ZMIZ2: variants seen among roughly 807,000 people sequenced by gnomAD.
The protein encoded by ZMIZ2 is zinc finger MIZ-type containing 2.
In ZMIZ2, 26 loss-of-function variants were observed where a neutral mutation model predicts 93.9. The ratio of observed to expected loss-of-function variants is 0.28; its 90% CI spans 0.20 to 0.38. The LOEUF is 0.38. Ranked by LOEUF, ZMIZ2 falls within the 10% of genes least tolerant of loss-of-function variation. The pLI is 1.00. For missense variants in ZMIZ2, 1,023 were observed against 1,235.0 expected (o/e 0.83, Z 2.57); for synonymous variants, 485 against 516.4 (o/e 0.94, Z 0.82).
chr7:44,760,102 G>C (rs1791016957), intron 7 of ZMIZ2, 49 bp from the exon 8 acceptor site: 1 of 1,608,728 alleles, frequency 6.2e-7, no homozygotes. Context: ...AGGGGGCCCG[G>C]CAGGGGTCAG....
In ZMIZ2 at chr7:44,762,196, T is replaced by C. The variant is rs1470113117; in HGVS notation, c.1596+291T>C. On this transcript the variant is annotated intron_variant, in intron 11 of 18. Transcript: ENST00000309315. ...AAAATGCGTTGCTTCTCTTTGTTAC[T>C]GCCTTGTATTTCTATTTTAATCTGT... Among the ~76,000 whole-genome samples the C allele has an allele frequency of 2.0e-5, 3 of 152,264 alleles. No individual in the cohort carries two copies. In the East Asian group the frequency reaches 5.8e-4, roughly 29 times the overall value.
intron 8 of ZMIZ2, 41 bp downstream of exon 8, chr7:44,760,269 G>C (rs780489375): frequency 6.3e-7 from 1 of 1,595,036 alleles, no homozygotes; most frequent in South Asian, 1.1e-5. Flanking sequence ...GAGGCTCACA[G>C]GGTGGGCATA....
In ZMIZ2 at chr7:44,763,859, G is replaced by GGCT. The variant is rs2116861502; in HGVS notation, c.1860+448_1860+450dup. ...TTCTTCTTTTAACACCATGTTCTGA[G>GGCT]GCTGGGCGCGGTGGCTCACACCTGT... On this transcript the variant is annotated intron_variant, in intron 13 of 18. Transcript: ENST00000309315. The surrounding 1 kb of genome is among the most constrained non-coding windows in gnomAD (Gnocchi z 5.6). The GGCT allele has an allele frequency of 5.7e-6, 1 of 175,502 alleles. No homozygotes were observed. The highest frequency in any genetic ancestry group is 1.7e-4 in the East Asian group (1 of 6,048). 10.9% of individuals were successfully genotyped at this position (175,502 alleles called of 1,614,324 possible).
At position 44,761,965 on chromosome 7, in the gene ZMIZ2, G is replaced by C. The variant is rs1791233095; in HGVS notation, c.1596+60G>C. ...CGTGGGGCGGGGTGTGGTGGGGCCT[G>C]GCCCAGCGGTGCCGTGGGGTGGGGC... is the stretch of plus-strand genomic sequence containing the variant. On this transcript the variant is annotated intron_variant, in intron 11 of 18. Coordinates refer to ENST00000309315, the MANE Select transcript of ZMIZ2 (RefSeq NM_031449.4). The surrounding 1 kb of genome is among the most constrained non-coding windows in gnomAD (Gnocchi z 5.8). 1 of 1,463,398 alleles carries C rather than the reference G, an allele frequency of 6.8e-7. No homozygotes were observed. 90.7% of individuals were successfully genotyped at this position (1,463,398 alleles called of 1,614,324 possible).
rs1346821254 is a variant in ZMIZ2 at position 44,767,659 on chromosome 7, C to T, written c.*36C>T. 6.4e-7 allele frequency: 1 copy of T among 1,565,644 alleles called. No homozygotes were observed. Among genetic ancestry groups the T allele is most frequent in the Non-Finnish European group, 8.8e-7 (1 of 1,136,674 alleles). ...ACCCCAAGCCCGGCGGGGACACGCTCACAGATGTCACCACAGCCCTGCCCT... is the reference window on the plus strand; with the variant it reads ...ACCCCAAGCCCGGCGGGGACACGCTTACAGATGTCACCACAGCCCTGCCCT... On this transcript the variant is annotated 3_prime_UTR_variant, in exon 19 of 19. Transcript: ENST00000309315.
intron 3 of ZMIZ2, 64 bp from the exon 4 acceptor site, chr7:44,756,883 T>C (rs1790643708): frequency 1.9e-6 from 3 of 1,598,008 alleles, no homozygotes; most frequent in East Asian, 2.2e-5. Context: ...TCTAGCACTT[T>C]GGAGCTGCTG....
Position 44,765,037 on chromosome 7 carries a change from C to A in ZMIZ2, c.1997+28C>A. On this transcript the variant is annotated intron_variant, in intron 15 of 18. Coordinates refer to ENST00000309315, the MANE Select transcript of ZMIZ2 (RefSeq NM_031449.4). The surrounding 1 kb of genome is among the most constrained non-coding windows in gnomAD (Gnocchi z 4.1). ...AAGCATCCTCTTCCTGTGATCCCTG[C>A]ATCTGTGGCCACTGGAGGGCAGCCC... 6.2e-7 allele frequency: 1 copy of A among 1,613,088 alleles called. No individual in the cohort carries two copies. Among genetic ancestry groups the A allele is most frequent in the Non-Finnish European group, 8.5e-7 (1 of 1,179,114 alleles).
Position 44,765,892 on chromosome 7 carries a change from G to C in ZMIZ2, c.2243-272G>C, listed in dbSNP as rs1260899526. The C allele has an allele frequency of 3.6e-6, 5 of 1,377,950 alleles. No homozygotes were observed. The highest frequency in any genetic ancestry group is 2.8e-6 in the Non-Finnish European group (3 of 1,063,632). The allele number at this position is 1,377,950 out of a possible 1,614,324, so 85.4% of individuals were successfully genotyped here. The stretch of plus-strand genomic sequence containing the variant: ...GGCCCCATCTGGGGCCCCCCTCTGG[G>C]ACCCACCTCACACGCGTGGTGCGTT... On this transcript the variant is annotated intron_variant, in intron 16 of 18. Transcript: ENST00000309315. The surrounding 1 kb of genome is among the most constrained non-coding windows in gnomAD (Gnocchi z 4.1).
At chr7:44,757,316 G>A (rs1171737886) in intron 4 of ZMIZ2, 62 bp from the exon 5 acceptor site, 1 of 1,568,306 alleles carries the variant, frequency 6.4e-7, no homozygotes, top group Non-Finnish European at 8.6e-7. Flanking sequence ...CCTCTGGGGT[G>A]AGCACAGTCC....
At position 44,759,361 on chromosome 7, in the gene ZMIZ2, C is replaced by T. The variant is rs1180826806; in HGVS notation, c.894C>T (p.Pro298=). 6.2e-7 allele frequency: 1 copy of T among 1,605,578 alleles called. No individual in the cohort carries two copies. The highest frequency in any genetic ancestry group is 1.7e-5 in the Admixed American group (1 of 59,070). The change falls in exon 7 of 19, where the codon CCC becomes CCT. Residue 298 remains proline, a synonymous_variant. Coordinates refer to ENST00000309315, the MANE Select transcript of ZMIZ2 (RefSeq NM_031449.4). ...TAQFAPSPGQ[P]PAPSPSYPGH... is the part of the protein sequence containing the mutation. ...AGTTTGCGCCCAGCCCTGGGCAGCCCCCTGCCCCCTCCCCTTCCTACCCTG... is the reference window on the plus strand; with the variant it reads ...AGTTTGCGCCCAGCCCTGGGCAGCCTCCTGCCCCCTCCCCTTCCTACCCTG...
chr7:44,756,672 T>C (rs1790623336), intron 3 of ZMIZ2, 133 bp downstream of exon 3: 2 of 985,488 alleles, frequency 2.0e-6, no homozygotes, highest in Non-Finnish European at 1.5e-6. Context: ...GCATGACATA[T>C]GAGGATGGGG....
intron 11 of ZMIZ2, 43 bp from the exon 12 acceptor site, chr7:44,762,838 C>T (rs1791341757): frequency 6.4e-7 from 1 of 1,553,908 alleles, no homozygotes; most frequent in Non-Finnish European, 8.8e-7. Context: ...AGGGTGGCCC[C>T]TGGCCCAAGT....
chr7:44,760,545 T>C lies in ZMIZ2; in HGVS notation c.1192T>C (p.Leu398=). The C allele has an allele frequency of 1.2e-6, 2 of 1,614,106 alleles. No homozygotes were observed. The highest frequency in any genetic ancestry group is 1.7e-6 in the Non-Finnish European group (2 of 1,180,008). The change falls in exon 9 of 19, where the codon TTG becomes CTG. Residue 398 remains leucine (L), a synonymous_variant. Coordinates refer to ENST00000309315, the MANE Select transcript of ZMIZ2 (RefSeq NM_031449.4). ...AAACCAAGAGGTCAAGTCTCCCTTC[T>C]TGCCTGATCTCAAGCCCAACCTCAA... ...SPNQEVKSPF[L]PDLKPNLNSL... is the part of the protein sequence containing the mutation.
chr7:44,757,444 G>A lies in ZMIZ2; in HGVS notation c.435G>A (p.Thr145=), dbSNP rs201480461. The change falls in exon 5 of 19, where the codon ACG becomes ACA. Residue 145 remains threonine, a synonymous_variant. Coordinates refer to ENST00000309315, the MANE Select transcript of ZMIZ2 (RefSeq NM_031449.4). ...SHAARPSTDF[T]QAAAAAAVAA... Reference sequence around the variant, plus strand: ...CTGCAAGACCCTCCACTGACTTCACGCAAGCGGCAGCTGCTGCAGCTGTGG... The same window carrying A: ...CTGCAAGACCCTCCACTGACTTCACACAAGCGGCAGCTGCTGCAGCTGTGG... 1,573 of 1,606,470 alleles carry A rather than the reference G, an allele frequency of 9.8e-4. 1 individual carries two copies. The highest frequency in any genetic ancestry group is 1.3e-3 in the Non-Finnish European group (1,510 of 1,179,842).
chr7:44,754,828 C>G (rs535807699), intron 1 of ZMIZ2, among the ~76,000 whole-genome samples: 1 of 152,290 alleles, frequency 6.6e-6, no homozygotes, highest in South Asian at 2.1e-4. Context: ...CCTGGGGACT[C>G]CTGAGAAACA....
Position 44,765,221 on chromosome 7 carries a change from G to A in ZMIZ2, c.1998-114G>A, listed in dbSNP as rs934351233. 3 of 1,551,732 alleles carry A rather than the reference G, an allele frequency of 1.9e-6. No homozygotes were observed. In the African/African-American group the frequency reaches 4.0e-5, roughly 21 times the overall value. ...TCGATGTGGAAGGTGCTGGGTGGAA[G>A]CAAGCATTTGAGTGGGGGAACCTGC... On this transcript the variant is annotated intron_variant, in intron 15 of 18. Transcript: ENST00000309315. The surrounding 1 kb of genome is among the most constrained non-coding windows in gnomAD (Gnocchi z 4.1).
Position 44,766,203 on chromosome 7 carries a change from T to TTCCCCCCCCCCCCCCC in ZMIZ2, c.2282_2283insTCCCCCCCCCCCCCCC (p.Thr764ProfsTer15). ...GGGCCTGGAACTTTCCCTGAGTCCT[T>TTCCCCCCCCCCCCCCC]CCCACCCACCACGCCCAGCACCCCA... On this transcript the variant is annotated frameshift_variant, in exon 17 of 19. Transcript: ENST00000309315. LOFTEE classifies it high-confidence loss of function. This position sits in a 1 kb window ranked among gnomAD's most constrained non-coding sequence, Gnocchi z 4.4. The TTCCCCCCCCCCCCCCC allele has an allele frequency of 6.3e-7, 1 of 1,598,514 alleles. No homozygotes were observed. The highest frequency in any genetic ancestry group is 8.6e-7 in the Non-Finnish European group (1 of 1,167,536).
At position 44,767,764 on chromosome 7, in the gene ZMIZ2, G is replaced by T. The variant is rs1015586950; in HGVS notation, c.*141G>T. Reference sequence around the variant, plus strand: ...ACACCTGGAGCCAGAGCCTTCTGCCGCCAGCCCTGCCCCTGAATTGGAAGC... The same window carrying T: ...ACACCTGGAGCCAGAGCCTTCTGCCTCCAGCCCTGCCCCTGAATTGGAAGC... On this transcript the variant is annotated 3_prime_UTR_variant, in exon 19 of 19. Transcript: ENST00000309315. 1.2e-5 allele frequency: 9 copies of T among 730,868 alleles called. No individual in the cohort carries two copies. Among genetic ancestry groups the T allele is most frequent in the Non-Finnish European group, 1.2e-5 (5 of 434,092 alleles). 45.3% of individuals were successfully genotyped at this position (730,868 alleles called of 1,614,324 possible).
intron 1 of ZMIZ2, among the ~76,000 whole-genome samples, chr7:44,754,398 C>T (rs1213108577): frequency 2.0e-5 from 3 of 152,186 alleles, no homozygotes; most frequent in African/African-American, 7.2e-5. Flanking sequence ...CTTGCCTCCC[C>T]TGAGGGTGTG....
Sources: gnomAD v4.1 joint callset for allele counts (sites outside exome capture counted in the v4.1 genomes callset) on GRCh38, gnomAD v4.1.1 for gene constraint, Gnocchi (gnomAD v3.1) non-coding constraint, MANE v1.5 for transcripts, NCBI Gene and HGNC (gene_info 2026-07-23, HGNC 2026-07-21) for gene names.